The following PCDH15 variants were observed in gnomAD, a reference collection of about 807,000 sequenced individuals.
PCDH15 encodes protocadherin related 15.
In PCDH15, 129 loss-of-function variants were observed where a neutral mutation model predicts 178.5. The ratio of observed to expected loss-of-function variants is 0.72; its 90% CI spans 0.63 to 0.84. The LOEUF is 0.84. Ranked by LOEUF, PCDH15 falls within the 40% of genes least tolerant of loss-of-function variation. The probability of loss-of-function intolerance (pLI) is 0.00; values close to 1 mark genes in which losing one functional copy is unlikely to be tolerated. For missense variants in PCDH15, 2,230 were observed against 2,099.9 expected (o/e 1.06, Z -1.21); for synonymous variants, 800 against 732.0 (o/e 1.09, Z -1.50).
intron 13 of PCDH15, among the ~76,000 whole-genome samples, chr10:54,166,895 C>A (rs1174183100): frequency 6.6e-6 from 1 of 152,164 alleles, no homozygotes; most frequent in East Asian, 1.9e-4. Context: ...CATCCTGGCT[C>A]AAAAAGCACC....
Position 53,803,870 on chromosome 10 carries a change from C to T in PCDH15, c.*2709G>A, listed in dbSNP as rs760200071. 11 of 151,240 alleles carry T rather than the reference C, an allele frequency of 7.3e-5. No homozygotes were observed. The highest frequency in any genetic ancestry group is 2.6e-4 in the Admixed American group (4 of 15,236). The allele number at this position is 151,240 out of a possible 1,614,324, so 9.4% of individuals were successfully genotyped here. On this transcript the variant is annotated 3_prime_UTR_variant, in exon 38 of 38. Transcript: ENST00000644397. ...GATTGAAGCTAGTGCTGATTGAGAA[C>T]AACAAGAAAACCTTCCTACACCTTC...
intron 2 of PCDH15, among the ~76,000 whole-genome samples, chr10:55,094,257 T>C (rs555706380): frequency 1.2e-4 from 18 of 152,138 alleles, no homozygotes; most frequent in African/African-American, 4.3e-4. Context: ...TGGATGAAGC[T>C]GGAAACCATC....
intron 2 of PCDH15, among the ~76,000 whole-genome samples, chr10:55,396,702 T>C (rs1307634618): frequency 6.6e-6 from 1 of 152,196 alleles, no homozygotes; most frequent in Non-Finnish European, 1.5e-5. Context: ...AGATACTTTG[T>C]ACATGGTCAG....
chr10:55,264,276 C>T (rs1180845452), intron 1 of PCDH15, among the ~76,000 whole-genome samples: 1 of 152,132 alleles, frequency 6.6e-6, no homozygotes, highest in Non-Finnish European at 1.5e-5. Context: ...AAAGCCAGGC[C>T]ACAGGCACAA....
At chr10:54,591,441 G>A (rs2091885298) in intron 2 of PCDH15, among the ~76,000 whole-genome samples, 1 of 152,170 alleles carries the variant, frequency 6.6e-6, no homozygotes, top group African/African-American at 2.4e-5. Flanking sequence ...GCCACTATAA[G>A]CTAGAAAGAT....
intron 3 of PCDH15, among the ~76,000 whole-genome samples, chr10:54,858,149 T>G (rs1482137656): frequency 6.6e-6 from 1 of 152,206 alleles, no homozygotes; most frequent in Non-Finnish European, 1.5e-5. Flanking sequence ...AAAGTATAGA[T>G]GTGCTCATTC....
intron 2 of PCDH15, among the ~76,000 whole-genome samples, chr10:55,339,542 G>C (rs535730755): frequency 6.6e-6 from 1 of 152,038 alleles, no homozygotes; most frequent in African/African-American, 2.4e-5. Flanking sequence ...AGATACAAAA[G>C]GTTTTTCTAT....
chr10:54,523,196 A>C (rs1396137844), intron 3 of PCDH15, among the ~76,000 whole-genome samples: 1 of 152,210 alleles, frequency 6.6e-6, no homozygotes, highest in Non-Finnish European at 1.5e-5. Context: ...TTGGATCAAT[A>C]ATAAACAAAA....
chr10:54,171,383 T>C (rs1379134933), intron 13 of PCDH15, among the ~76,000 whole-genome samples: 1 of 152,204 alleles, frequency 6.6e-6, no homozygotes, highest in Non-Finnish European at 1.5e-5. Flanking sequence ...CTCAGAATGC[T>C]ACAGGGGTAC....
chr10:53,962,751 T>C (rs181400681), intron 21 of PCDH15, among the ~76,000 whole-genome samples: 33 of 152,296 alleles, frequency 2.2e-4, no homozygotes, highest in Admixed American at 1.5e-3. Context: ...CAATTAAAAT[T>C]TGATAAGTTT....
At chr10:54,713,667 A>G (rs907674989) in intron 1 of PCDH15, among the ~76,000 whole-genome samples, 9 of 152,070 alleles carry the variant, frequency 5.9e-5, no homozygotes, top group East Asian at 1.9e-4. Flanking sequence ...ACACTTAAAT[A>G]TTTCCTGACA....
chr10:54,130,120 A>T (rs1052563412), intron 15 of PCDH15, among the ~76,000 whole-genome samples: 1 of 151,590 alleles, frequency 6.6e-6, no homozygotes, highest in Admixed American at 6.6e-5. Flanking sequence ...TAGATAAAAA[A>T]TTCAGACAGA....
intron 3 of PCDH15, among the ~76,000 whole-genome samples, chr10:54,424,393 A>G (rs1171962488): frequency 6.6e-6 from 1 of 151,810 alleles, no homozygotes; most frequent in Non-Finnish European, 1.5e-5. Context: ...AAATAGGAAC[A>G]CTTTTACACT....
At chr10:54,131,308 T>C (rs949304184) in intron 15 of PCDH15, among the ~76,000 whole-genome samples, 32 of 152,294 alleles carry the variant, frequency 2.1e-4, no homozygotes, top group Admixed American at 6.5e-4. Context: ...TTTCTTGACC[T>C]GAATCTTACA....
intron 3 of PCDH15, among the ~76,000 whole-genome samples, chr10:54,892,188 T>A (rs1954475460): frequency 6.6e-6 from 1 of 152,126 alleles, no homozygotes; most frequent in Non-Finnish European, 1.5e-5. Flanking sequence ...CACAGCTCGA[T>A]CAATTATATA....
intron 2 of PCDH15, among the ~76,000 whole-genome samples, chr10:55,029,258 A>AT: frequency 6.6e-6 from 1 of 152,022 alleles, no homozygotes; most frequent in Non-Finnish European, 1.5e-5. Context: ...CCCTTTACAT[A>AT]TCCCAAATAC....
At chr10:54,253,534 T>C (rs2056668119) in intron 8 of PCDH15, among the ~76,000 whole-genome samples, 1 of 152,068 alleles carries the variant, frequency 6.6e-6, no homozygotes, top group African/African-American at 2.4e-5. Flanking sequence ...TTACAAAATA[T>C]ACCCTTGCTG....
At chr10:55,287,203 C>G (rs1842894554) in intron 1 of PCDH15, among the ~76,000 whole-genome samples, 1 of 151,946 alleles carries the variant, frequency 6.6e-6, no homozygotes, top group African/African-American at 2.4e-5. Flanking sequence ...AAGTCTGTCT[C>G]AAGTTGAAGA....
intron 4 of PCDH15, among the ~76,000 whole-genome samples, chr10:54,372,971 GA>G (rs1259513393): frequency 6.6e-6 from 1 of 150,442 alleles, no homozygotes; most frequent in Non-Finnish European, 1.5e-5. Context: ...AGTATGAAGA[GA>G]AAAAATTTTC....
Sources: gnomAD v4.1 joint callset for allele counts (sites outside exome capture counted in the v4.1 genomes callset) on GRCh38, gnomAD v4.1.1 for gene constraint, MANE v1.5 for transcripts, NCBI Gene and HGNC (gene_info 2026-07-23, HGNC 2026-07-21) for gene names.